TAF4: variants seen among roughly 807,000 people sequenced by gnomAD.
TAF4 encodes the protein TATA-box binding protein associated factor 4, also known as transcription initiation factor TFIID subunit 4.
TAF4 carries 9 observed loss-of-function variants against 90.3 expected under a neutral mutation model. That is an observed-to-expected ratio of 0.10 (90% CI 0.06 to 0.17). The LOEUF is 0.17. Among genes scored for constraint, TAF4 ranks in the 10% least tolerant of loss-of-function variants. The probability of loss-of-function intolerance (pLI) is 1.00; values close to 1 mark genes in which losing one functional copy is unlikely to be tolerated. For missense variants in TAF4, 1,351 were observed against 1,370.7 expected (o/e 0.99, Z 0.23); for synonymous variants, 818 against 638.9 (o/e 1.28, Z -4.23).
At chr20:62,016,236 C>A (rs977884064) in intron 1 of TAF4, among the ~76,000 whole-genome samples, 1 of 152,216 alleles carries the variant, frequency 6.6e-6, no homozygotes, top group Non-Finnish European at 1.5e-5. Context: ...CTGGTAAATA[C>A]CCCCATGTAT....
At position 61,997,443 on chromosome 20, in the gene TAF4, T is replaced by C. The variant is rs1277870203; in HGVS notation, c.3090+107A>G. On this transcript the variant is annotated intron_variant, in intron 14 of 14. Transcript: ENST00000252996. ...CAGAAAAGGTGAGACAAAATGTAAATGGTAAGAAAGCAAATTCCCCTATGT... is the reference window on the plus strand; with the variant it reads ...CAGAAAAGGTGAGACAAAATGTAAACGGTAAGAAAGCAAATTCCCCTATGT... 15 of 1,300,344 alleles carry C rather than the reference T, an allele frequency of 1.2e-5. No homozygotes were observed. In the Admixed American group the frequency reaches 3.6e-4, roughly 31 times the overall value. The allele number at this position is 1,300,344 out of a possible 1,614,324, so 80.6% of individuals were successfully genotyped here.
intron 1 of TAF4, among the ~76,000 whole-genome samples, chr20:62,022,157 G>A (rs1216541278): frequency 2.0e-5 from 3 of 151,870 alleles, no homozygotes; most frequent in Non-Finnish European, 4.4e-5. Flanking sequence ...GCGCCGTGGA[G>A]ACCTGTGCAG....
intron 13 of TAF4, 101 bp downstream of exon 13, chr20:61,998,035 C>T (rs2055674316): frequency 1.8e-6 from 2 of 1,099,598 alleles, no homozygotes; most frequent in South Asian, 2.9e-5. Flanking sequence ...CACGCAAATG[C>T]CTATCGTACA....
intron 9 of TAF4, among the ~76,000 whole-genome samples, chr20:62,002,572 C>CA (rs2055713330): frequency 6.6e-6 from 1 of 152,232 alleles, no homozygotes; most frequent in Non-Finnish European, 1.5e-5. Context: ...CTCACTGTAA[C>CA]ACTGAACTCC....
rs752352396 is a variant in TAF4, at chr20:61,999,037, G to C, written c.2859C>G (p.Ile953Met). 3 of 1,613,946 alleles carry C rather than the reference G, an allele frequency of 1.9e-6. No homozygotes were observed. The highest frequency in any genetic ancestry group is 2.2e-5 in the East Asian group (1 of 44,892). The change falls in exon 12 of 15, where the codon ATC (isoleucine) becomes ATG (methionine). Residue 953 changes from isoleucine to methionine, a missense_variant. Ile to Met is a conservative substitution (Grantham distance 10, BLOSUM62 1). Transcript: ENST00000252996. ...QLKFFEQLDQ[I>M]EKQRKDEQER... is the part of the protein sequence containing the mutation. The stretch of plus-strand genomic sequence containing the variant: ...CCTGCTCATCCTTCCTCTGCTTTTC[G>C]ATTTGATCAAGCTGTTCAAAAAACT...
intron 1 of TAF4, among the ~76,000 whole-genome samples, chr20:62,060,004 A>G (rs1001224698): frequency 6.6e-6 from 1 of 152,176 alleles, no homozygotes; most frequent in Non-Finnish European, 1.5e-5. Flanking sequence ...TCTCCATTCC[A>G]CTCTGATTTC....
intron 1 of TAF4, among the ~76,000 whole-genome samples, chr20:62,048,397 C>T (rs1428420555): frequency 6.6e-6 from 1 of 152,156 alleles, no homozygotes; most frequent in Non-Finnish European, 1.5e-5. Context: ...CAGACAGGGC[C>T]ACCTGCAAGG....
intron 1 of TAF4, among the ~76,000 whole-genome samples, chr20:62,041,455 C>T (rs1181829236): frequency 6.6e-6 from 1 of 152,024 alleles, no homozygotes; most frequent in Non-Finnish European, 1.5e-5. Flanking sequence ...GGGTGAAACC[C>T]CATCTCTACT....
At chr20:62,049,058 T>C (rs1470402620) in intron 1 of TAF4, among the ~76,000 whole-genome samples, 4 of 119,972 alleles carry the variant, frequency 3.3e-5, no homozygotes, top group Non-Finnish European at 6.8e-5. Context: ...TCTCCCCGCA[T>C]GACCACCTCG....
intron 14 of TAF4, among the ~76,000 whole-genome samples, chr20:61,983,171 A>C (rs1393213263): frequency 6.6e-6 from 1 of 152,160 alleles, no homozygotes; most frequent in Non-Finnish European, 1.5e-5. Flanking sequence ...TGGAGCTGCC[A>C]GGCCCGTGCA....
chr20:61,994,189 T>C (rs1389685964), intron 14 of TAF4, among the ~76,000 whole-genome samples: 2 of 152,204 alleles, frequency 1.3e-5, no homozygotes, highest in Non-Finnish European at 2.9e-5. Context: ...TCTCGATATA[T>C]GTTGTTGTTG....
intron 1 of TAF4, among the ~76,000 whole-genome samples, chr20:62,018,254 T>C (rs1458957520): frequency 6.6e-6 from 1 of 152,222 alleles, no homozygotes; most frequent in Non-Finnish European, 1.5e-5. Flanking sequence ...ACAGCCTGAC[T>C]GTACCAAAAA....
intron 14 of TAF4, among the ~76,000 whole-genome samples, chr20:61,990,146 G>A (rs551109639): frequency 3.9e-5 from 6 of 152,260 alleles, no homozygotes; most frequent in East Asian, 3.9e-4. Flanking sequence ...TCAGCCGCAC[G>A]AGCATTTAGG....
intron 1 of TAF4, among the ~76,000 whole-genome samples, chr20:62,062,629 G>A (rs1248920097): frequency 6.6e-6 from 1 of 152,172 alleles, no homozygotes; most frequent in Non-Finnish European, 1.5e-5. Flanking sequence ...CACTCCTACA[G>A]TTGTTTTTCA....
intron 14 of TAF4, 132 bp downstream of exon 14, chr20:61,997,418 C>T (rs2055669845): frequency 4.3e-6 from 5 of 1,176,232 alleles, no homozygotes; most frequent in Non-Finnish European, 5.6e-6. Flanking sequence ...ACAAATACTC[C>T]AGAAAAGGTG....
Position 62,006,846 on chromosome 20 carries a change from A to G in TAF4, c.1975-88T>C. The G allele has an allele frequency of 1.4e-6, 2 of 1,414,016 alleles. No homozygotes were observed. Among genetic ancestry groups the G allele is most frequent in the East Asian group, 5.3e-5 (2 of 37,954 alleles). The allele number at this position is 1,414,016 out of a possible 1,614,324, so 87.6% of individuals were successfully genotyped here. ...AAAATTCAGAAATATCAACTTTTAC[A>G]GAAAGCTTTTGAGCTAAGTAAGATG... On this transcript the variant is annotated intron_variant, in intron 6 of 14. Transcript: ENST00000252996. The surrounding 1 kb of genome is among the most constrained non-coding windows in gnomAD (Gnocchi z 7.0).
At position 61,997,475 on chromosome 20, in the gene TAF4, G is replaced by A. The variant is rs190683348; in HGVS notation, c.3090+75C>T. 1.6e-3 allele frequency: 2,240 copies of A among 1,381,160 alleles called. 9 individuals are homozygous for A. The highest frequency in any genetic ancestry group is 5.3e-3 in the Admixed American group (190 of 36,158). The allele number at this position is 1,381,160 out of a possible 1,614,324, so 85.6% of individuals were successfully genotyped here. A position where few individuals can be genotyped will look rare whatever the true frequency, so the allele number is the denominator to read the frequency against. ...AAAGCAAATTCCCCTATGTGTGTCC[G>A]TCCCCTAGAAGAGGGTGGCTCTAAG... On this transcript the variant is annotated intron_variant, in intron 14 of 14. Transcript: ENST00000252996.
At position 62,064,545 on chromosome 20, in the gene TAF4, C is replaced by T. The variant is rs765011962; in HGVS notation, c.1266G>A (p.Gly422=). The T allele has an allele frequency of 5.9e-6, 9 of 1,524,928 alleles. No homozygotes were observed. The East Asian group carries it at 1.3e-4, about 22-fold the overall frequency. 94.5% of individuals were successfully genotyped at this position (1,524,928 alleles called of 1,614,324 possible). The change falls in exon 1 of 15, where the codon GGG becomes GGA. Residue 422 remains glycine (G), a synonymous_variant. Transcript: ENST00000252996. ...CGGTGGGCGTCAGGGTGGCCCGAAT[C>T]CCGCTGGTGGTGGCCGTGGGCGTCC... is the stretch of plus-strand genomic sequence containing the variant. ...LSRTPTATTS[G]IRATLTPTVL...
intron 9 of TAF4, among the ~76,000 whole-genome samples, chr20:62,001,506 C>T (rs1276199350): frequency 6.6e-6 from 1 of 152,210 alleles, no homozygotes; most frequent in Non-Finnish European, 1.5e-5. Context: ...TCCACATGCA[C>T]GCAGCCTCCA....
Sources: allele counts gnomAD v4.1 joint callset (sites outside exome capture counted in the v4.1 genomes callset), GRCh38; gene constraint gnomAD v4.1.1; non-coding constraint Gnocchi (gnomAD v3.1); transcripts MANE v1.5; gene names NCBI Gene and HGNC (gene_info 2026-07-23, HGNC 2026-07-21).